The following NUP98 variants were observed in gnomAD, a reference collection of about 807,000 sequenced individuals.
NUP98 encodes the protein nuclear pore complex protein Nup98-Nup96.
A neutral mutation model predicts 191.9 loss-of-function variants in NUP98; 26 were observed. That is an observed-to-expected ratio of 0.14 (90% confidence interval 0.10 to 0.19). The LOEUF is 0.19. Among genes scored for constraint, NUP98 ranks in the 10% least tolerant of loss-of-function variants. NUP98 has a pLI of 1.00. For synonymous variants in NUP98, 808 were observed against 778.4 expected (o/e 1.04, Z -0.63); for missense variants, 1,941 against 2,178.8 (o/e 0.89, Z 2.17).
intron 10 of NUP98, 152 bp downstream of exon 10, chr11:3,760,387 C>A (rs1589901634): frequency 1.7e-6 from 2 of 1,151,182 alleles, no homozygotes; most frequent in East Asian, 4.7e-5. Context: ...CTACCGCTTA[C>A]CTGAGAACTT....
At chr11:3,783,472 G>A (rs2082043348) in intron 1 of NUP98, among the ~76,000 whole-genome samples, 1 of 152,164 alleles carries the variant, frequency 6.6e-6, no homozygotes, top group Non-Finnish European at 1.5e-5. Context: ...GCCAAGGCGG[G>A]TGGATCACCT....
intron 21 of NUP98, among the ~76,000 whole-genome samples, chr11:3,705,996 C>CAAAAAAAAA (rs66628165): frequency 1.1e-4 from 11 of 99,406 alleles, no homozygotes; most frequent in Admixed American, 3.8e-4. Flanking sequence ...ACTAAAAATA[C>CAAAAAAAAA]AAAAAAAAAA....
At chr11:3,776,084 T>G in intron 4 of NUP98, 63 bp from the exon 5 acceptor site, 1 of 1,312,570 alleles carries the variant, frequency 7.6e-7, no homozygotes, top group Admixed American at 2.0e-5. Flanking sequence ...ATAAGATGCA[T>G]TGGAATTGGG....
At chr11:3,733,228 C>T (rs1463207161) in intron 13 of NUP98, among the ~76,000 whole-genome samples, 2 of 151,452 alleles carry the variant, frequency 1.3e-5, no homozygotes, top group African/African-American at 4.8e-5. Flanking sequence ...AAGCTGCTTT[C>T]TTTCTTATGA....
At chr11:3,693,508 A>G in intron 26 of NUP98, 133 bp from the exon 27 acceptor site, 1 of 933,772 alleles carries the variant, frequency 1.1e-6, no homozygotes, top group East Asian at 2.7e-5. Context: ...TACAAATATA[A>G]TAAAATCTCA....
At chr11:3,729,216 T>C (rs564191650) in intron 14 of NUP98, among the ~76,000 whole-genome samples, 1 of 152,122 alleles carries the variant, frequency 6.6e-6, no homozygotes, top group African/African-American at 2.4e-5. Flanking sequence ...GAAATAAGCA[T>C]AGATAAAATG....
At chr11:3,696,635 G>T (rs184697106) in intron 25 of NUP98, 1 of 151,344 alleles carries the variant, frequency 6.6e-6, no homozygotes, top group East Asian at 1.9e-4. Context: ...ATGACGAAAC[G>T]GCATCTCTAC....
At chr11:3,685,857 G>T in intron 29 of NUP98, 116 bp downstream of exon 29, 1 of 769,024 alleles carries the variant, frequency 1.3e-6, no homozygotes, top group Non-Finnish European at 2.2e-6. Context: ...CACAACGCTG[G>T]ATCTAACACA....
intron 7 of NUP98, among the ~76,000 whole-genome samples, chr11:3,769,914 G>C (rs2081469187): frequency 6.6e-6 from 1 of 151,876 alleles, no homozygotes; most frequent in South Asian, 2.1e-4. Context: ...CATGGTGGTG[G>C]GCATCTGTAA....
At position 3,713,987 on chromosome 11, in the gene NUP98, T is replaced by G; in HGVS notation, c.2408A>C (p.Glu803Ala). The G allele has an allele frequency of 6.2e-7, 1 of 1,613,954 alleles. No individual in the cohort carries two copies. The highest frequency in any genetic ancestry group is 8.5e-7 in the Non-Finnish European group (1 of 1,179,974). Residue 803 changes from glutamate to alanine, a missense_variant, in exon 19 of 33, where the codon GAA becomes GCA. By Grantham distance (107) the Glu-to-Ala change is moderately radical (BLOSUM62 -1). Around this residue, in one of 6 missense-constraint regions of NUP98, gnomAD observed 95 missense variants for 139.7 expected, o/e 0.68. Transcript: ENST00000324932. ...TGGCCAAACTCCATCCAATGTAACT[T>G]CAGCCTTCCTGTAAAACATAACCAA... ...PVGEGLNRKA[E>A]VTLDGVWPTD...
intron 29 of NUP98, 99 bp from the exon 30 acceptor site, chr11:3,683,540 C>T (rs12293627): frequency 0.12 from 142,074 of 1,210,742 alleles, 9,315 homozygotes; most frequent in Middle Eastern, 0.13. Flanking sequence ...TCTTAAACTG[C>T]AGGTCTTTTT....
At position 3,714,099 on chromosome 11, in the gene NUP98, C is replaced by A; in HGVS notation, c.2400-104G>T. On this transcript the variant is annotated intron_variant, in intron 18 of 32. Transcript: ENST00000324932. ...TAAATAGTGAATAATGGTAACTATG[C>A]TGCCTTGGAATTATTCTGCATGTGT... 4.3e-6 allele frequency: 5 copies of A among 1,153,174 alleles called. No homozygotes were observed. In the South Asian group the frequency reaches 6.7e-5, roughly 16 times the overall value. The allele number at this position is 1,153,174 out of a possible 1,614,324, so 71.4% of individuals were successfully genotyped here. A position where few individuals can be genotyped will look rare whatever the true frequency, so the allele number is the denominator to read the frequency against.
intron 25 of NUP98, among the ~76,000 whole-genome samples, chr11:3,698,264 A>C (rs906583680): frequency 1.3e-5 from 2 of 152,238 alleles, no homozygotes; most frequent in Non-Finnish European, 2.9e-5. Flanking sequence ...TACAAAGTAA[A>C]GAATTAAGTA....
intron 1 of NUP98, among the ~76,000 whole-genome samples, chr11:3,783,688 A>C (rs2082050104): frequency 6.6e-6 from 1 of 152,116 alleles, no homozygotes; most frequent in Non-Finnish European, 1.5e-5. Flanking sequence ...GACAAGAATG[A>C]AACTCTGTCT....
At chr11:3,733,678 T>G (rs1315096428) in intron 13 of NUP98, among the ~76,000 whole-genome samples, 1 of 152,264 alleles carries the variant, frequency 6.6e-6, no homozygotes, top group Admixed American at 6.5e-5. Context: ...ACTTTACTCC[T>G]ATTTATGGCT....
intron 1 of NUP98, among the ~76,000 whole-genome samples, 165 bp downstream of exon 1, chr11:3,797,235 G>A (rs527881666): frequency 1.3e-5 from 2 of 152,354 alleles, no homozygotes; most frequent in South Asian, 4.1e-4. Flanking sequence ...CCCGGGCTCC[G>A]GGCCCCCGGG....
intron 2 of NUP98, among the ~76,000 whole-genome samples, chr11:3,780,321 G>A (rs2081915169): frequency 6.7e-6 from 1 of 149,238 alleles, no homozygotes; most frequent in African/African-American, 2.5e-5. Context: ...ATGAGGTCAG[G>A]AGATCAAGAC....
chr11:3,712,520 G>C (rs540070352), intron 20 of NUP98, 44 bp downstream of exon 20: 81 of 1,606,424 alleles, frequency 5.0e-5, no homozygotes, highest in Non-Finnish European at 6.6e-5. Flanking sequence ...TTTCAACTTC[G>C]GTATCACGGA....
chr11:3,700,906 A>G (rs1589984647), intron 23 of NUP98, 67 bp from the exon 24 acceptor site: 3 of 1,012,124 alleles, frequency 3.0e-6, no homozygotes, highest in Admixed American at 2.4e-5. Flanking sequence ...TTTTACTTCA[A>G]CCAAACCACT....
Sources: allele counts gnomAD v4.1 joint callset (sites outside exome capture counted in the v4.1 genomes callset), GRCh38; gene constraint gnomAD v4.1.1; regional missense constraint gnomAD v4.1.1; transcripts MANE v1.5; gene names NCBI Gene and HGNC (gene_info 2026-07-23, HGNC 2026-07-21).